UGGT2: variants seen among roughly 807,000 people sequenced by gnomAD.
The protein encoded by UGGT2 is UDP-glucose:glycoprotein glucosyltransferase 2.
UGGT2 carries 180 observed loss-of-function variants against 192.1 expected under a neutral mutation model. The observed-to-expected ratio is 0.94, with a 90% CI of 0.83 to 1.06. The LOEUF (loss-of-function observed/expected upper bound fraction) is 1.06. UGGT2 is among the 50% of genes least tolerant of loss of function. The probability of loss-of-function intolerance (pLI) is 0.00; values close to 1 mark genes in which losing one functional copy is unlikely to be tolerated. For synonymous variants in UGGT2, 580 were observed against 591.0 expected (o/e 0.98, Z 0.27); for missense variants, 1,849 against 1,795.7 (o/e 1.03, Z -0.54).
chr13:95,865,911 C>A (rs1461460965), intron 30 of UGGT2, among the ~76,000 whole-genome samples: 1 of 152,122 alleles, frequency 6.6e-6, no homozygotes. Context: ...TTGTTAACCC[C>A]ATTTTACAGA....
At chr13:95,877,403 A>C in intron 28 of UGGT2, 39 bp from the exon 29 acceptor site, 1 of 1,501,914 alleles carries the variant, frequency 6.7e-7, no homozygotes, top group Non-Finnish European at 9.1e-7. Context: ...GAGTAATATG[A>C]CTAAAAACCA....
chr13:95,855,974 C>A (rs907863749), intron 34 of UGGT2, among the ~76,000 whole-genome samples, 184 bp downstream of exon 34: 2 of 152,080 alleles, frequency 1.3e-5, no homozygotes, highest in Non-Finnish European at 2.9e-5. Flanking sequence ...TCTTACAATA[C>A]CTTCAATTTT....
intron 17 of UGGT2, among the ~76,000 whole-genome samples, chr13:95,933,777 G>A (rs183286029): frequency 2.6e-3 from 400 of 152,220 alleles, no homozygotes; most frequent in Middle Eastern, 6.8e-3. Flanking sequence ...CGCCTCCCGG[G>A]TTCATGCCAT....
intron 20 of UGGT2, among the ~76,000 whole-genome samples, chr13:95,917,521 C>T (rs1180422446): frequency 1.3e-5 from 2 of 151,736 alleles, no homozygotes. Flanking sequence ...GCAAAATAAC[C>T]AGCTAGCATC....
intron 20 of UGGT2, among the ~76,000 whole-genome samples, chr13:95,904,177 C>A (rs1257782793): frequency 1.3e-5 from 2 of 152,004 alleles, no homozygotes; most frequent in Non-Finnish European, 2.9e-5. Context: ...TAATGGGAAG[C>A]AGTCCTTAAT....
chr13:96,046,534 A>G (rs184964947), intron 1 of UGGT2, among the ~76,000 whole-genome samples: 1 of 152,340 alleles, frequency 6.6e-6, no homozygotes, highest in East Asian at 1.9e-4. Context: ...TACAGCTCCT[A>G]GCATGAGCGA....
At chr13:95,899,319 G>A (rs2048036412) in intron 22 of UGGT2, among the ~76,000 whole-genome samples, 1 of 152,142 alleles carries the variant, frequency 6.6e-6, no homozygotes, top group Non-Finnish European at 1.5e-5. Flanking sequence ...TGCCTTATCA[G>A]TAAGGGTGCT....
At chr13:96,006,689 A>T (rs923789053) in intron 5 of UGGT2, among the ~76,000 whole-genome samples, 1 of 152,008 alleles carries the variant, frequency 6.6e-6, no homozygotes, top group Non-Finnish European at 1.5e-5. Flanking sequence ...AAATTATTCA[A>T]ATTGAATTTA....
chr13:95,885,771 G>C (rs935151336), intron 26 of UGGT2, among the ~76,000 whole-genome samples: 11 of 152,134 alleles, frequency 7.2e-5, no homozygotes, highest in African/African-American at 2.7e-4. Flanking sequence ...AAATATCAAA[G>C]AAAAAGTATT....
intron 38 of UGGT2, among the ~76,000 whole-genome samples, chr13:95,817,796 T>C (rs1284859043): frequency 6.6e-6 from 1 of 152,064 alleles, no homozygotes; most frequent in Non-Finnish European, 1.5e-5. Flanking sequence ...ACTTAAATTC[T>C]AAGAGGGAGC....
intron 12 of UGGT2, among the ~76,000 whole-genome samples, chr13:95,954,940 C>T (rs2050169932): frequency 6.6e-6 from 1 of 152,114 alleles, no homozygotes; most frequent in South Asian, 2.1e-4. Context: ...AATCTGAAAC[C>T]CTTCTGGTCC....
At chr13:96,014,015 T>C (rs528700166) in intron 4 of UGGT2, among the ~76,000 whole-genome samples, 2 of 152,250 alleles carry the variant, frequency 1.3e-5, no homozygotes, top group African/African-American at 4.8e-5. Context: ...CTAGGTTCTT[T>C]ACACTTATTA....
chr13:96,048,629 T>C (rs1018782969), intron 1 of UGGT2, among the ~76,000 whole-genome samples: 3 of 151,794 alleles, frequency 2.0e-5, no homozygotes, highest in Non-Finnish European at 4.4e-5. Context: ...ATCAAATAGA[T>C]GCAATAAAAA....
intron 20 of UGGT2, among the ~76,000 whole-genome samples, chr13:95,907,542 A>G (rs905229199): frequency 1.3e-5 from 2 of 152,170 alleles, no homozygotes; most frequent in Non-Finnish European, 2.9e-5. Flanking sequence ...CCTCTGGGAC[A>G]AAGAGAAGGA....
chr13:95,913,795 A>G (rs1473851313), intron 20 of UGGT2, among the ~76,000 whole-genome samples: 1 of 152,212 alleles, frequency 6.6e-6, no homozygotes, highest in Non-Finnish European at 1.5e-5. Context: ...ATGTATGTTT[A>G]TTGTGGCACT....
At chr13:95,865,224 A>G (rs1890545358) in intron 30 of UGGT2, among the ~76,000 whole-genome samples, 1 of 152,048 alleles carries the variant, frequency 6.6e-6, no homozygotes, top group Non-Finnish European at 1.5e-5. Context: ...AATTCCTCTT[A>G]ATAGGCTATT....
chr13:95,803,215 G>C (rs998758971), intron 38 of UGGT2, among the ~76,000 whole-genome samples: 1 of 152,136 alleles, frequency 6.6e-6, no homozygotes, highest in Admixed American at 6.6e-5. Flanking sequence ...GAGACAAAGA[G>C]GGAGAAATAA....
intron 36 of UGGT2, among the ~76,000 whole-genome samples, chr13:95,845,645 G>A (rs531959248): frequency 0.013 from 1,967 of 151,934 alleles, 34 homozygotes; most frequent in African/African-American, 0.033. Flanking sequence ...CGACAAAACC[G>A]CCATCGTCAT....
chr13:95,837,261 G>T, intron 36 of UGGT2, 59 bp from the exon 37 acceptor site: 1 of 1,152,862 alleles, frequency 8.7e-7, no homozygotes, highest in Non-Finnish European at 1.3e-6. Flanking sequence ...AAGGAAAGAA[G>T]CTGAATGAAG....
Sources: allele counts gnomAD v4.1 joint callset (sites outside exome capture counted in the v4.1 genomes callset), GRCh38; gene constraint gnomAD v4.1.1; transcripts MANE v1.5; gene names NCBI Gene and HGNC (gene_info 2026-07-23, HGNC 2026-07-21).